INTS4: variants seen among roughly 807,000 people sequenced by gnomAD.
INTS4 encodes the protein integrator complex subunit 4.
Under a neutral mutation model 119.5 loss-of-function variants are expected in INTS4, and 70 were observed. The observed-to-expected ratio is 0.59, with a 90% CI of 0.48 to 0.71. INTS4 has a LOEUF of 0.71. Among genes scored for constraint, INTS4 ranks in the 30% least tolerant of loss-of-function variants. The pLI is 0.00. For synonymous variants in INTS4, 316 were observed against 419.6 expected, an observed-to-expected ratio of 0.75 and a Z score of 3.02; for missense variants, 867 against 1,173.2, an observed-to-expected ratio of 0.74 and a Z score of 3.81.
At chr11:77,927,013 G>C (rs1009003597) in intron 11 of INTS4, among the ~76,000 whole-genome samples, 6 of 152,186 alleles carry the variant, frequency 3.9e-5, no homozygotes, top group Admixed American at 6.5e-5. Flanking sequence ...GTTAGGGAAG[G>C]CTTCCTGGAT....
At chr11:77,903,687 T>C (rs1952850415) in intron 16 of INTS4, 67 bp from the exon 17 acceptor site, 1 of 1,266,830 alleles carries the variant, frequency 7.9e-7, no homozygotes, top group South Asian at 1.4e-5. Context: ...ATTTGGGATT[T>C]ACATTTTTGT....
rs758618768 is a variant in INTS4, at chr11:77,961,065, T to C, written c.545A>G (p.Lys182Arg). 1 of 1,613,134 alleles carries C rather than the reference T, an allele frequency of 6.2e-7. No homozygotes were observed. The highest frequency in any genetic ancestry group is 1.7e-5 in the Admixed American group (1 of 59,898). ...QLLGNLGSLE[K>R]SVTKDAEGLA... ...GCCTTCTGCATCTTTTGTGACACTT[T>C]TCTCCAAAGAGCCAAGATTGCCAAG... Residue 182 changes from lysine to arginine, a missense_variant, in exon 5 of 23, where the codon AAA becomes AGA. Transcript: ENST00000534064.
At chr11:77,944,850 GCAAAA>G (rs1954009695) in intron 8 of INTS4, among the ~76,000 whole-genome samples, 1 of 151,972 alleles carries the variant, frequency 6.6e-6, no homozygotes, top group Non-Finnish European at 1.5e-5. Flanking sequence ...AAATCCAAAA[GCAAAA>G]CAAAACAAAA....
intron 1 of INTS4, among the ~76,000 whole-genome samples, chr11:77,992,957 G>C (rs1856758004): frequency 2.0e-5 from 3 of 152,174 alleles, no homozygotes; most frequent in African/African-American, 7.2e-5. Flanking sequence ...ATTAAGTGAA[G>C]AAATTAGCTC....
At chr11:77,901,771 T>A (rs1410161215) in intron 17 of INTS4, among the ~76,000 whole-genome samples, 1 of 151,906 alleles carries the variant, frequency 6.6e-6, no homozygotes, top group Non-Finnish European at 1.5e-5. Flanking sequence ...AATAAAATCA[T>A]CTTAGTTGAT....
chr11:77,941,947 A>C (rs1336736524), intron 8 of INTS4, among the ~76,000 whole-genome samples: 9 of 152,234 alleles, frequency 5.9e-5, no homozygotes, highest in Admixed American at 5.9e-4. Flanking sequence ...TAACATATTG[A>C]CGGTCACAAA....
chr11:77,895,867 A>T (rs1358396434), intron 18 of INTS4, among the ~76,000 whole-genome samples: 1 of 152,194 alleles, frequency 6.6e-6, no homozygotes, highest in Non-Finnish European at 1.5e-5. Flanking sequence ...GGCCTCTAAG[A>T]ACTCCTACTT....
At chr11:77,960,766 C>A (rs1954449339) in intron 5 of INTS4, among the ~76,000 whole-genome samples, 187 bp downstream of exon 5, 1 of 152,122 alleles carries the variant, frequency 6.6e-6, no homozygotes, top group Non-Finnish European at 1.5e-5. Context: ...ATGAAAGCTA[C>A]CAGAGAAAGC....
At position 77,990,151 on chromosome 11, in the gene INTS4, G is replaced by A. The variant is rs1053691482; in HGVS notation, c.246+957C>T. On this transcript the variant is annotated intron_variant, in intron 2 of 22. Transcript: ENST00000534064. ...GGAGAATCACTTAAACCAAAGAGACGGAGGTTGCAGTGAGCCAAGATTGTG... is the reference window on the plus strand; with the variant it reads ...GGAGAATCACTTAAACCAAAGAGACAGAGGTTGCAGTGAGCCAAGATTGTG... Among the ~76,000 whole-genome samples the A allele has an allele frequency of 2.0e-5, 3 of 150,902 alleles. 1 individual carries two copies. The highest frequency in any genetic ancestry group is 2.4e-5 in the African/African-American group (1 of 40,946).
Position 77,911,495 on chromosome 11 carries a change from C to G in INTS4, c.1923-3685G>C, listed in dbSNP as rs551060578. 3.9e-5 allele frequency among the ~76,000 whole-genome samples: 6 copies of G among 152,330 alleles called. No homozygotes were observed. The East Asian group carries it at 9.6e-4, about 24-fold the overall frequency. On this transcript the variant is annotated intron_variant, in intron 15 of 22. Transcript: ENST00000534064. ...TACAGACCAACTGACTGTACATTAA[C>G]TAACTGATTCCAAATGTTACTTTAT...
At chr11:77,912,886 C>T (rs1400667662) in intron 15 of INTS4, among the ~76,000 whole-genome samples, 3 of 152,122 alleles carry the variant, frequency 2.0e-5, no homozygotes, top group African/African-American at 7.2e-5. Flanking sequence ...AATAATTCAA[C>T]TAAAAAATCC....
At chr11:77,895,171 G>A (rs7929313) in intron 18 of INTS4, among the ~76,000 whole-genome samples, 57,277 of 151,868 alleles carry the variant, frequency 0.38, 11,156 homozygotes, top group African/African-American at 0.45. Flanking sequence ...TGCTAGGTCA[G>A]TATGACTTAC....
chr11:77,941,072 T>A, intron 9 of INTS4, 108 bp downstream of exon 9: 3 of 1,432,068 alleles, frequency 2.1e-6, no homozygotes, highest in Non-Finnish European at 2.8e-6. Flanking sequence ...AATACAGTTA[T>A]CATGTTAATT....
At chr11:77,911,707 A>T (rs1953091519) in intron 15 of INTS4, among the ~76,000 whole-genome samples, 1 of 152,230 alleles carries the variant, frequency 6.6e-6, no homozygotes, top group East Asian at 1.9e-4. Context: ...AATTCTCAGG[A>T]AGCCTCAGTC....
chr11:77,878,002 T>C (rs1191623329), downstream of INTS4, among the ~76,000 whole-genome samples: 4 of 152,172 alleles, frequency 2.6e-5, no homozygotes, highest in African/African-American at 9.7e-5. Context: ...TTTTGTAAAA[T>C]ATAGCTCTTC....
intron 18 of INTS4, among the ~76,000 whole-genome samples, chr11:77,899,397 C>G (rs1474245480): frequency 6.6e-6 from 1 of 152,042 alleles, no homozygotes; most frequent in Non-Finnish European, 1.5e-5. Context: ...ATAGGCTGGG[C>G]TCGGTGGCTC....
intron 7 of INTS4, among the ~76,000 whole-genome samples, chr11:77,956,693 C>T (rs1443782984): frequency 3.5e-5 from 5 of 144,568 alleles, no homozygotes; most frequent in African/African-American, 5.1e-5. Context: ...GGCAACAGAG[C>T]GAGACTCCAT....
chr11:77,973,879 A>T (rs572181162), intron 4 of INTS4, among the ~76,000 whole-genome samples: 3 of 152,320 alleles, frequency 2.0e-5, no homozygotes, highest in South Asian at 2.1e-4. Context: ...ATCCACATTC[A>T]TAAGTCACTG....
intron 8 of INTS4, among the ~76,000 whole-genome samples, chr11:77,951,159 T>C (rs190400203): frequency 6.6e-6 from 1 of 152,272 alleles, no homozygotes; most frequent in Admixed American, 6.5e-5. Flanking sequence ...GTCTTTGCTA[T>C]TGTGAATAGT....
Sources: gnomAD v4.1 joint callset for allele counts (sites outside exome capture counted in the v4.1 genomes callset) on GRCh38, gnomAD v4.1.1 for gene constraint, MANE v1.5 for transcripts, NCBI Gene and HGNC (gene_info 2026-07-23, HGNC 2026-07-21) for gene names.